Variants in ADGRL3 observed in about 807,000 individuals in gnomAD.
ADGRL3 encodes the protein adhesion G protein-coupled receptor L3, also known as calcium-independent alpha-latrotoxin receptor 3.
A neutral mutation model predicts 153.5 loss-of-function variants in ADGRL3; 62 were observed. The ratio of observed to expected loss-of-function variants is 0.40; its 90% CI spans 0.33 to 0.50. The LOEUF (loss-of-function observed/expected upper bound fraction) is 0.50, where lower values mean the gene tolerates loss of function less well. Among genes scored for constraint, ADGRL3 ranks in the 20% least tolerant of loss-of-function variants. The pLI is 0.47. For synonymous variants in ADGRL3, 710 were observed against 672.5 expected, an observed-to-expected ratio of 1.06 and a Z score of -0.86; for missense variants, 1,641 against 1,859.4, an observed-to-expected ratio of 0.88 and a Z score of 2.16.
At chr4:61,252,520 G>A (rs1759679452) in intron 1 of ADGRL3, among the ~76,000 whole-genome samples, 1 of 152,138 alleles carries the variant, frequency 6.6e-6, no homozygotes, top group Non-Finnish European at 1.5e-5. Flanking sequence ...TCTAGGGGCT[G>A]TAGTTGTAAT....
intron 17 of ADGRL3, among the ~76,000 whole-genome samples, chr4:61,950,638 T>C (rs934927724): frequency 6.6e-6 from 1 of 152,222 alleles, no homozygotes; most frequent in Non-Finnish European, 1.5e-5. Context: ...CTGGGTGGTC[T>C]TCCTTATGCC....
chr4:61,775,537 A>G (rs2097138058), intron 8 of ADGRL3: 1 of 786,748 alleles, frequency 1.3e-6, no homozygotes, highest in Non-Finnish European at 2.3e-6. Flanking sequence ...ACTGCAACCA[A>G]CCACTTTATG....
intron 6 of ADGRL3, among the ~76,000 whole-genome samples, chr4:61,704,361 A>G (rs1241500706): frequency 6.6e-6 from 1 of 152,234 alleles, no homozygotes; most frequent in African/African-American, 2.4e-5. Flanking sequence ...AACCTAGTAC[A>G]TATAAAGGTA....
intron 6 of ADGRL3, among the ~76,000 whole-genome samples, chr4:61,700,157 C>G (rs1056467973): frequency 6.6e-6 from 1 of 152,088 alleles, no homozygotes; most frequent in East Asian, 1.9e-4. Context: ...TGTATTATTT[C>G]CTAAACACTA....
intron 9 of ADGRL3, among the ~76,000 whole-genome samples, chr4:61,877,531 A>T (rs1472061357): frequency 6.6e-6 from 1 of 152,222 alleles, no homozygotes; most frequent in Non-Finnish European, 1.5e-5. Flanking sequence ...ACACATGCAC[A>T]CATGAATGGA....
chr4:61,996,228 A>T lies in ADGRL3; in HGVS notation c.3237-63A>T, dbSNP rs76174644. The T allele has an allele frequency of 4.8e-3, 4,705 of 982,066 alleles. 148 individuals are homozygous for T. In the African/African-American group the frequency reaches 0.066, roughly 14 times the overall value. The allele number at this position is 982,066 out of a possible 1,614,324, so 60.8% of individuals were successfully genotyped here. ...TCACATTCTTCTCTGTCACAGGTTC[A>T]CTCTTGATGTATGTCCCATACCCAG... On this transcript the variant is annotated intron_variant, in intron 19 of 26. Transcript: ENST00000683033.
intron 8 of ADGRL3, among the ~76,000 whole-genome samples, chr4:61,734,810 G>T (rs1235553120): frequency 6.6e-6 from 1 of 152,200 alleles, no homozygotes; most frequent in African/African-American, 2.4e-5. Context: ...TTGCCGTTCA[G>T]CTGTAAAAAT....
intron 2 of ADGRL3, among the ~76,000 whole-genome samples, chr4:61,418,048 C>G (rs1041652612): frequency 6.6e-6 from 1 of 152,136 alleles, no homozygotes; most frequent in Non-Finnish European, 1.5e-5. Context: ...ACTGTCCTTA[C>G]ATGTGACCTT....
intron 17 of ADGRL3, among the ~76,000 whole-genome samples, chr4:61,970,127 T>C (rs1057292963): frequency 6.6e-6 from 1 of 152,158 alleles, no homozygotes; most frequent in Admixed American, 6.6e-5. Context: ...TCTTCATCTG[T>C]AAGTTGGAGA....
At chr4:61,286,305 C>CT (rs1215849315) in intron 1 of ADGRL3, among the ~76,000 whole-genome samples, 4,374 of 138,226 alleles carry the variant, frequency 0.032, 147 homozygotes, top group African/African-American at 0.095. Context: ...TGAAGGTTTT[C>CT]TTTTTTTTTT....
intron 21 of ADGRL3, among the ~76,000 whole-genome samples, chr4:62,003,959 G>A (rs975224593): frequency 1.3e-5 from 2 of 152,006 alleles, no homozygotes; most frequent in East Asian, 3.9e-4. Flanking sequence ...AATCGCTTCA[G>A]GGATGAATAG....
chr4:62,006,003 C>CACACACACACACACACACCCATATAT (rs1230956055), intron 21 of ADGRL3, among the ~76,000 whole-genome samples: 1 of 49,020 alleles, frequency 2.0e-5, no homozygotes, highest in African/African-American at 7.4e-5. Context: ...CACACACACA[C>CACACACACACACACACACCCATATAT]ATATATATAT....
intron 6 of ADGRL3, among the ~76,000 whole-genome samples, chr4:61,729,183 A>T (rs1322483853): frequency 6.6e-6 from 1 of 151,950 alleles, no homozygotes; most frequent in Admixed American, 6.6e-5. Context: ...AAACCTGTAC[A>T]TGTACCCCCG....
chr4:61,648,523 T>TG (rs950359029), intron 5 of ADGRL3, among the ~76,000 whole-genome samples: 9 of 125,520 alleles, frequency 7.2e-5, no homozygotes, highest in South Asian at 2.6e-4. Context: ...GGAATTTTTT[T>TG]GTTTTTTTTT....
At chr4:61,744,877 T>G (rs1478301943) in intron 8 of ADGRL3, among the ~76,000 whole-genome samples, 1 of 152,120 alleles carries the variant, frequency 6.6e-6, no homozygotes. Context: ...ATGACTTTGA[T>G]GAGTTGAGAG....
chr4:61,822,893 A>T (rs1581005112), intron 9 of ADGRL3, among the ~76,000 whole-genome samples: 1 of 152,192 alleles, frequency 6.6e-6, no homozygotes, highest in East Asian at 1.9e-4. Flanking sequence ...TCATGCTCTG[A>T]ACATTCTTCT....
At chr4:61,357,386 T>C (rs970147085) in intron 1 of ADGRL3, among the ~76,000 whole-genome samples, 2 of 152,128 alleles carry the variant, frequency 1.3e-5, no homozygotes. Context: ...CTGGTGTTTT[T>C]CCACTGTCAT....
chr4:61,792,190 C>G (rs1302842116), intron 8 of ADGRL3, among the ~76,000 whole-genome samples: 1 of 151,272 alleles, frequency 6.6e-6, no homozygotes, highest in Non-Finnish European at 1.5e-5. Flanking sequence ...TTACCAGCAC[C>G]CAAGTCACCT....
intron 1 of ADGRL3, among the ~76,000 whole-genome samples, chr4:61,372,885 C>T (rs997717345): frequency 3.3e-5 from 5 of 152,320 alleles, no homozygotes; most frequent in African/African-American, 9.6e-5. Context: ...AGCGAGACTC[C>T]GTGGGGCAGG....
Sources: gnomAD v4.1 joint callset for allele counts (sites outside exome capture counted in the v4.1 genomes callset) on GRCh38, gnomAD v4.1.1 for gene constraint, MANE v1.5 for transcripts, NCBI Gene and HGNC (gene_info 2026-07-23, HGNC 2026-07-21) for gene names.